The following WDFY4 variants were observed in gnomAD, a reference collection of about 807,000 sequenced individuals.
WDFY4 encodes WD repeat- and FYVE domain-containing protein 4.
WDFY4 carries 169 observed loss-of-function variants against 351.9 expected under a neutral mutation model. That is an observed-to-expected ratio of 0.48 (90% CI 0.42 to 0.55). The LOEUF is 0.55. Ranked by LOEUF, WDFY4 falls within the 20% of genes least tolerant of loss-of-function variation. WDFY4 has a pLI of 0.00. For missense variants in WDFY4, 3,803 were observed against 3,935.6 expected (o/e 0.97, Z 0.90); for synonymous variants, 1,622 against 1,574.6 (o/e 1.03, Z -0.71).
intron 2 of WDFY4, among the ~76,000 whole-genome samples, chr10:48,718,507 C>T (rs770255527): frequency 8.5e-5 from 13 of 152,220 alleles, no homozygotes; most frequent in Non-Finnish European, 1.3e-4. Flanking sequence ...GGAGCTTAAG[C>T]GAAAGTGGAC....
chr10:48,692,316 T>C (rs988436296), intron 1 of WDFY4, among the ~76,000 whole-genome samples: 2 of 152,182 alleles, frequency 1.3e-5, no homozygotes, highest in African/African-American at 2.4e-5. Flanking sequence ...CTTTACCCTA[T>C]CCGAGTGACA....
chr10:48,867,103 G>A (rs543573784), intron 39 of WDFY4, among the ~76,000 whole-genome samples, 162 bp from the exon 40 acceptor site: 3 of 151,942 alleles, frequency 2.0e-5, no homozygotes, highest in South Asian at 4.2e-4. Flanking sequence ...CTGTGAGGCA[G>A]AGGTTGCAGT....
chr10:48,720,190 G>T (rs2064034471), intron 3 of WDFY4, 65 bp downstream of exon 3: 6 of 1,460,706 alleles, frequency 4.1e-6, no homozygotes, highest in Middle Eastern at 3.5e-4. Flanking sequence ...TGCCCTCCCA[G>T]GCCTCTCAGG....
intron 25 of WDFY4, among the ~76,000 whole-genome samples, chr10:48,803,958 G>A (rs1300483631): frequency 2.0e-5 from 3 of 152,182 alleles, no homozygotes; most frequent in Non-Finnish European, 2.9e-5. Context: ...GTGGCTCCTG[G>A]GCAGCTCCTC....
intron 5 of WDFY4, among the ~76,000 whole-genome samples, chr10:48,724,655 T>C (rs895298577): frequency 2.0e-5 from 3 of 152,110 alleles, no homozygotes; most frequent in African/African-American, 7.2e-5. Context: ...GCTCAAGGGT[T>C]TCTGTTACTT....
chr10:48,746,731 C>T (rs2065026514), intron 12 of WDFY4, among the ~76,000 whole-genome samples: 1 of 151,616 alleles, frequency 6.6e-6, no homozygotes, highest in Non-Finnish European at 1.5e-5. Context: ...TAGTAGTTGC[C>T]CTAGAGTGAA....
chr10:48,779,363 C>T (rs543850808), intron 18 of WDFY4, among the ~76,000 whole-genome samples: 64 of 152,314 alleles, frequency 4.2e-4, no homozygotes, highest in Admixed American at 3.9e-3. Context: ...TGGAGCCCAG[C>T]GTTGTTCTCC....
intron 43 of WDFY4, among the ~76,000 whole-genome samples, chr10:48,886,579 C>G (rs2070464331): frequency 6.6e-6 from 1 of 152,184 alleles, no homozygotes; most frequent in South Asian, 2.1e-4. Context: ...CCAGCTTCCG[C>G]CCTTCCATCA....
intron 13 of WDFY4, among the ~76,000 whole-genome samples, chr10:48,767,814 CAT>C (rs2132563287): frequency 6.6e-6 from 1 of 152,236 alleles, no homozygotes; most frequent in African/African-American, 2.4e-5. Context: ...GTGAGGACAT[CAT>C]ATAATGAATT....
intron 12 of WDFY4, among the ~76,000 whole-genome samples, chr10:48,744,521 T>C (rs1282717920): frequency 2.6e-5 from 4 of 152,224 alleles, no homozygotes; most frequent in Non-Finnish European, 4.4e-5. Context: ...TTAAAAAGGA[T>C]TTTTGCACTG....
intron 12 of WDFY4, among the ~76,000 whole-genome samples, chr10:48,746,407 T>C (rs1322773774): frequency 2.0e-5 from 3 of 152,190 alleles, no homozygotes; most frequent in Non-Finnish European, 4.4e-5. Context: ...GGATTTTTCT[T>C]CATCCTTTGG....
chr10:48,734,446 T>G (rs1419749875), intron 10 of WDFY4, among the ~76,000 whole-genome samples: 2 of 151,952 alleles, frequency 1.3e-5, no homozygotes, highest in East Asian at 3.9e-4. Context: ...CATGATGCAC[T>G]TAGCAATGTA....
chr10:48,928,659 T>C (rs1442791963), intron 47 of WDFY4, among the ~76,000 whole-genome samples: 2 of 152,232 alleles, frequency 1.3e-5, no homozygotes, highest in Non-Finnish European at 1.5e-5. Context: ...GAATTCTTTC[T>C]GCACTTCACA....
intron 49 of WDFY4, among the ~76,000 whole-genome samples, chr10:48,945,024 T>G (rs1840966585): frequency 1.3e-5 from 2 of 152,112 alleles, no homozygotes; most frequent in Non-Finnish European, 2.9e-5. Flanking sequence ...TGCAGGCATT[T>G]GAGATAGTGA....
rs1013584147 is a variant in WDFY4 at position 48,743,111 on chromosome 10, C to A, written c.2022C>A (p.Pro674=). The A allele has an allele frequency of 1.2e-5, 18 of 1,551,600 alleles. No homozygotes were observed. Among genetic ancestry groups the A allele is most frequent in the Non-Finnish European group, 1.5e-5 (17 of 1,146,994 alleles). The change falls in exon 12 of 62, where the codon CCC becomes CCA. Residue 674 remains proline (P), a synonymous_variant. Coordinates refer to ENST00000325239, the MANE Select transcript of WDFY4 (RefSeq NM_001394531.1). ...TGCAGGCATGGGGAGCAGTATCCCC[C>A]AGACAGACCCTGGAGCTGGTTTTGT... is the stretch of plus-strand genomic sequence containing the variant. The part of the protein sequence containing the change: ...PPLQAWGAVS[P]RQTLELVLYT...
intron 35 of WDFY4, chr10:48,823,291 AG>A (rs2067889496): frequency 3.1e-6 from 4 of 1,290,114 alleles, no homozygotes; most frequent in Admixed American, 2.3e-5. Context: ...TGTCCCACCC[AG>A]GGGGATGTCT....
rs1299240641 is a variant in WDFY4, at chr10:48,953,390, AG to A, written c.7978-3736del. ...GCTTTCACACCAACAGCTATCATCC[AG>A]GGTTCATAGACAAGGGCATGGGCGG... On this transcript the variant is annotated intron_variant, in intron 51 of 61. Transcript: ENST00000325239. Among the ~76,000 whole-genome samples, 8 of 149,864 alleles carry A rather than the reference AG, an allele frequency of 5.3e-5. No homozygotes were observed. In the South Asian group the frequency reaches 1.3e-3, roughly 24 times the overall value.
At chr10:48,763,726 C>T (rs1199128918) in intron 13 of WDFY4, among the ~76,000 whole-genome samples, 1 of 152,226 alleles carries the variant, frequency 6.6e-6, no homozygotes, top group Non-Finnish European at 1.5e-5. Flanking sequence ...ATTCAGGTCA[C>T]AATAAGTAAT....
intron 36 of WDFY4, among the ~76,000 whole-genome samples, chr10:48,828,342 G>T (rs900073980): frequency 6.6e-6 from 1 of 152,194 alleles, no homozygotes; most frequent in South Asian, 2.1e-4. Flanking sequence ...CCAAAAAAGG[G>T]TTCTTCTAAG....
Sources: gnomAD v4.1 joint callset for allele counts (sites outside exome capture counted in the v4.1 genomes callset) on GRCh38, gnomAD v4.1.1 for gene constraint, MANE v1.5 for transcripts, NCBI Gene and HGNC (gene_info 2026-07-23, HGNC 2026-07-21) for gene names.